Variants in CNTNAP5 observed in about 807,000 individuals in gnomAD.
CNTNAP5 encodes contactin-associated protein-like 5.
A neutral mutation model predicts 150.2 loss-of-function variants in CNTNAP5; 72 were observed. The ratio of observed to expected loss-of-function variants is 0.48; its 90% CI spans 0.40 to 0.58. The LOEUF (loss-of-function observed/expected upper bound fraction) is 0.58. CNTNAP5 is among the 20% of genes least tolerant of loss of function. The pLI is 0.00. For missense variants in CNTNAP5, 1,636 were observed against 1,626.2 expected (o/e 1.01, Z -0.10); for synonymous variants, 672 against 619.8 (o/e 1.08, Z -1.25).
intron 3 of CNTNAP5, among the ~76,000 whole-genome samples, chr2:124,337,823 G>C (rs2104688010): frequency 6.6e-6 from 1 of 151,918 alleles, no homozygotes; most frequent in African/African-American, 2.4e-5. Flanking sequence ...CTCCAGCTTT[G>C]TTCTTTTGGC....
intron 10 of CNTNAP5, among the ~76,000 whole-genome samples, chr2:124,562,538 A>G (rs2047878): frequency 0.98 from 149,253 of 152,276 alleles, 73,229 homozygotes; most frequent in East Asian, 1. Context: ...CCTTAAGACA[A>G]GGTCATCTCA....
chr2:124,060,550 G>A (rs1050835576), intron 1 of CNTNAP5, among the ~76,000 whole-genome samples: 4 of 152,164 alleles, frequency 2.6e-5, no homozygotes, highest in African/African-American at 4.8e-5. Context: ...GGGTATACCC[G>A]TATGGGCCTT....
At chr2:124,912,143 C>A (rs372082859) in intron 23 of CNTNAP5, among the ~76,000 whole-genome samples, 2 of 152,098 alleles carry the variant, frequency 1.3e-5, no homozygotes, top group African/African-American at 2.4e-5. Flanking sequence ...CTTCCTCCTG[C>A]TGTGGCTTGA....
chr2:124,429,837 G>A (rs1692328936), intron 4 of CNTNAP5, among the ~76,000 whole-genome samples: 1 of 152,292 alleles, frequency 6.6e-6, no homozygotes, highest in Non-Finnish European at 1.5e-5. Context: ...TGAAATAGAT[G>A]ATGCGCAGGA....
intron 1 of CNTNAP5, among the ~76,000 whole-genome samples, chr2:124,160,894 T>G (rs1684660246): frequency 1.3e-5 from 2 of 152,210 alleles, no homozygotes; most frequent in South Asian, 4.1e-4. Context: ...TTTATTTATT[T>G]CATTTTATTT....
intron 1 of CNTNAP5, among the ~76,000 whole-genome samples, chr2:124,126,802 C>G (rs185468751): frequency 1.2e-3 from 185 of 152,264 alleles, no homozygotes; most frequent in African/African-American, 4.1e-3. Flanking sequence ...GAACCAAAGA[C>G]AAAAACCACA....
intron 6 of CNTNAP5, among the ~76,000 whole-genome samples, chr2:124,468,855 G>T (rs1001493106): frequency 1.3e-5 from 2 of 152,150 alleles, no homozygotes; most frequent in African/African-American, 4.8e-5. Flanking sequence ...CCAGGTCACT[G>T]TGGAACCCCT....
chr2:124,711,685 C>G (rs771943637), intron 13 of CNTNAP5, among the ~76,000 whole-genome samples: 2 of 151,766 alleles, frequency 1.3e-5, no homozygotes, highest in Admixed American at 6.6e-5. Context: ...AACAAACAAA[C>G]AAAAAATTAG....
At position 124,846,384 on chromosome 2, in the gene CNTNAP5, G is replaced by A. The variant is rs72963830; in HGVS notation, c.3218-18922G>A. Reference sequence around the variant, plus strand: ...TTGATTGGACTGCTGAGACTTTCCGGTGCATTTCTCTAAGTGTGTCCTTCA... The same window carrying A: ...TTGATTGGACTGCTGAGACTTTCCGATGCATTTCTCTAAGTGTGTCCTTCA... On this transcript the variant is annotated intron_variant, in intron 19 of 23. Transcript: ENST00000682447. 5.3e-3 allele frequency among the ~76,000 whole-genome samples: 810 copies of A among 152,168 alleles called. 10 individuals carry two copies. The highest frequency in any genetic ancestry group is 0.018 in the African/African-American group (768 of 41,534).
chr2:124,111,238 C>G (rs1365943129), intron 1 of CNTNAP5, among the ~76,000 whole-genome samples: 1 of 152,074 alleles, frequency 6.6e-6, no homozygotes, highest in Admixed American at 6.6e-5. Context: ...AGAGGAGGAA[C>G]TCTTGAGAGT....
At chr2:124,080,751 C>T (rs1414231239) in intron 1 of CNTNAP5, among the ~76,000 whole-genome samples, 1 of 152,056 alleles carries the variant, frequency 6.6e-6, no homozygotes, top group African/African-American at 2.4e-5. Context: ...TGAAATAATG[C>T]CATTATAATT....
chr2:124,506,427 T>C (rs1694409202), intron 8 of CNTNAP5, among the ~76,000 whole-genome samples: 1 of 152,146 alleles, frequency 6.6e-6, no homozygotes, highest in Non-Finnish European at 1.5e-5. Context: ...CTCATGCCTC[T>C]CTGGGCCCAA....
intron 19 of CNTNAP5, among the ~76,000 whole-genome samples, chr2:124,848,183 C>A (rs1350423780): frequency 6.6e-6 from 1 of 152,114 alleles, no homozygotes; most frequent in African/African-American, 2.4e-5. Flanking sequence ...TCTCGTTTCC[C>A]CAAACCCCAG....
At chr2:124,046,911 G>C (rs1396467013) in intron 1 of CNTNAP5, among the ~76,000 whole-genome samples, 1 of 152,140 alleles carries the variant, frequency 6.6e-6, no homozygotes, top group Non-Finnish European at 1.5e-5. Flanking sequence ...TTTTTCTTGA[G>C]TGAAAACATG....
chr2:124,447,063 T>A, intron 6 of CNTNAP5, 126 bp downstream of exon 6: 1 of 840,110 alleles, frequency 1.2e-6, no homozygotes, highest in Non-Finnish European at 1.9e-6. Flanking sequence ...GGGACTTACT[T>A]CCTCCATCTA....
rs749117383 is a variant in CNTNAP5, at chr2:124,764,040, A to T, written c.2426A>T (p.His809Leu). The change falls in exon 16 of 24, where the codon CAT becomes CTT. Residue 809 changes from histidine (H) to leucine (L), a missense_variant. Coordinates refer to ENST00000682447, the MANE Select transcript of CNTNAP5 (RefSeq NM_001367498.1). ...EASYLHFPTF[H>L]AEFSADISFF... is the part of the protein sequence containing the mutation. Reference sequence around the variant, plus strand: ...TCTTACCTCCACTTTCCTACCTTCCATGCGGAATTCAGTGCCGATATTTCC... The same window carrying T: ...TCTTACCTCCACTTTCCTACCTTCCTTGCGGAATTCAGTGCCGATATTTCC... 17 of 1,613,302 alleles carry T rather than the reference A, an allele frequency of 1.1e-5. No individual in the cohort carries two copies. Among genetic ancestry groups the T allele is most frequent in the Admixed American group, 3.3e-5 (2 of 59,960 alleles).
intron 10 of CNTNAP5, among the ~76,000 whole-genome samples, chr2:124,544,250 G>GA (rs932900036): frequency 3.1e-4 from 47 of 151,826 alleles, no homozygotes; most frequent in African/African-American, 9.7e-4. Context: ...TGTTTCTAAA[G>GA]AAAAAAAATG....
At chr2:124,262,359 G>T (rs910592066) in intron 3 of CNTNAP5, among the ~76,000 whole-genome samples, 6 of 152,168 alleles carry the variant, frequency 3.9e-5, no homozygotes, top group Non-Finnish European at 7.4e-5. Flanking sequence ...AGAAATGATT[G>T]TACACACAAT....
chr2:124,461,230 A>G (rs1693242456), intron 6 of CNTNAP5, among the ~76,000 whole-genome samples: 1 of 152,096 alleles, frequency 6.6e-6, no homozygotes, highest in Non-Finnish European at 1.5e-5. Context: ...ATGCAGACGT[A>G]TGTTTATTGC....
Sources: gnomAD v4.1 joint callset for allele counts (sites outside exome capture counted in the v4.1 genomes callset) on GRCh38, gnomAD v4.1.1 for gene constraint, MANE v1.5 for transcripts, NCBI Gene and HGNC (gene_info 2026-07-23, HGNC 2026-07-21) for gene names.